TBC1D2B: variants seen among roughly 807,000 people sequenced by gnomAD.
The protein encoded by TBC1D2B is TBC1 domain family, member 2B.
TBC1D2B carries 64 observed loss-of-function variants against 100.8 expected under a neutral mutation model. That is an observed-to-expected ratio of 0.64 (90% confidence interval 0.52 to 0.78). The LOEUF (loss-of-function observed/expected upper bound fraction) is 0.78. Among genes scored for constraint, TBC1D2B ranks in the 30% least tolerant of loss-of-function variants. The pLI, the probability that TBC1D2B is intolerant of heterozygous loss-of-function variation, is 0.00. For synonymous variants in TBC1D2B, 480 were observed against 479.7 expected (o/e 1.00, Z -0.01); for missense variants, 1,052 against 1,218.4 (o/e 0.86, Z 2.03).
At chr15:78,046,142 G>A (rs894060725) in intron 2 of TBC1D2B, among the ~76,000 whole-genome samples, 4 of 152,140 alleles carry the variant, frequency 2.6e-5, no homozygotes, top group African/African-American at 9.7e-5. Context: ...ATGTTGGCCA[G>A]GCTGGTCGCG....
At chr15:78,026,440 A>G (rs1377688006) in intron 4 of TBC1D2B, among the ~76,000 whole-genome samples, 4 of 152,106 alleles carry the variant, frequency 2.6e-5, no homozygotes, top group African/African-American at 7.2e-5. Context: ...AAGGGACTAT[A>G]CAAAACAAAG....
In TBC1D2B at chr15:78,011,470, C is replaced by CTT. The variant is rs201268185; in HGVS notation, c.2270+1351_2270+1352dup. On this transcript the variant is annotated intron_variant, in intron 9 of 12. Coordinates refer to ENST00000300584, the MANE Select transcript of TBC1D2B (RefSeq NM_144572.2). Reference sequence around the variant, plus strand: ...TTTTTCATTCTTACTTTATCCATATCTTTTTTTTTTTTTTTTTTGAGACAG... The same window carrying CTT: ...TTTTTCATTCTTACTTTATCCATATCTTTTTTTTTTTTTTTTTTTTGAGACAG... Among the ~76,000 whole-genome samples the CTT allele has an allele frequency of 1.5e-3, 195 of 130,392 alleles. 2 individuals carry two copies. Among genetic ancestry groups the CTT allele is most frequent in the East Asian group, 4.0e-3 (18 of 4,452 alleles). The allele number at this position is 130,392 out of a possible 152,430, so 85.5% of individuals were successfully genotyped here. A position where few individuals can be genotyped will look rare whatever the true frequency, so the allele number is the denominator to read the frequency against.
intron 1 of TBC1D2B, among the ~76,000 whole-genome samples, chr15:78,060,714 C>T (rs549214277): frequency 2.0e-5 from 3 of 151,646 alleles, no homozygotes; most frequent in Non-Finnish European, 2.9e-5. Flanking sequence ...GTCAGAAGTT[C>T]GAGACCAGCC....
chr15:78,076,273 C>T (rs2073827655), intron 1 of TBC1D2B, among the ~76,000 whole-genome samples: 1 of 152,162 alleles, frequency 6.6e-6, no homozygotes, highest in Admixed American at 6.5e-5. Flanking sequence ...AAGGGAGCCT[C>T]AAAGGAGCAA....
At chr15:78,024,092 AG>A in intron 6 of TBC1D2B, 63 bp downstream of exon 6, 1 of 1,519,870 alleles carries the variant, frequency 6.6e-7, no homozygotes, top group Non-Finnish European at 8.8e-7. Flanking sequence ...CACGGAGGCC[AG>A]GCCTCTGGGG....
intron 6 of TBC1D2B, among the ~76,000 whole-genome samples, chr15:78,021,205 A>G (rs555172781): frequency 6.6e-6 from 1 of 152,364 alleles, no homozygotes; most frequent in South Asian, 2.1e-4. Flanking sequence ...AGAAATCTTT[A>G]CAGGCAGCAT....
At chr15:78,031,083 A>G (rs1474593352) in intron 3 of TBC1D2B, among the ~76,000 whole-genome samples, 1 of 152,276 alleles carries the variant, frequency 6.6e-6, no homozygotes, top group African/African-American at 2.4e-5. Flanking sequence ...AGAAAATGGA[A>G]GAATTATAGG....
chr15:78,012,833 C>G lies in TBC1D2B; in HGVS notation c.2260G>C (p.Gly754Arg), dbSNP rs2072265829. ...GTGCTGTGCACCCACCTGTTTAGGC[C>G]TTGACAGTAGCCGATATCTGGATTC... ...WRNPDIGYCQGLNRLVAVALL... is the reference protein window; with the variant it reads ...WRNPDIGYCQRLNRLVAVALL... The change falls in exon 9 of 13, where the codon GGC (glycine) becomes CGC (arginine). Residue 754 changes from glycine to arginine, a missense_variant. Physicochemically the swap from Gly to Arg is moderately radical, Grantham distance 125 (BLOSUM62 -2). Transcript: ENST00000300584. 6.6e-7 allele frequency: 1 copy of G among 1,512,290 alleles called. No individual in the cohort carries two copies. The highest frequency in any genetic ancestry group is 8.8e-7 in the Non-Finnish European group (1 of 1,131,336). 93.7% of individuals were successfully genotyped at this position (1,512,290 alleles called of 1,614,324 possible).
At chr15:78,027,279 G>A (rs1241722147) in intron 4 of TBC1D2B, among the ~76,000 whole-genome samples, 1 of 152,162 alleles carries the variant, frequency 6.6e-6, no homozygotes, top group Admixed American at 6.5e-5. Context: ...GGTTCCTAGG[G>A]TGCTGGCATC....
rs1286402415 is a variant in TBC1D2B, at chr15:77,997,185, G to A, written c.*975C>T. 6.6e-6 allele frequency: 1 copy of A among 152,318 alleles called. No individual in the cohort carries two copies. Among genetic ancestry groups the A allele is most frequent in the Non-Finnish European group, 1.5e-5 (1 of 68,092 alleles). The allele number at this position is 152,318 out of a possible 1,614,324, so 9.4% of individuals were successfully genotyped here. A position where few individuals can be genotyped will look rare whatever the true frequency, so the allele number is the denominator to read the frequency against. ...CACTGGCCATCCCCAAGGAGGCCAT[G>A]GTTTTCAGCTGTCCAAGAGCGTTCA... is the stretch of plus-strand genomic sequence containing the variant. On this transcript the variant is annotated 3_prime_UTR_variant, in exon 13 of 13. Transcript: ENST00000300584.
intron 1 of TBC1D2B, among the ~76,000 whole-genome samples, chr15:78,059,455 C>T (rs931991339): frequency 6.6e-6 from 1 of 152,202 alleles, no homozygotes; most frequent in Non-Finnish European, 1.5e-5. Flanking sequence ...TCCTACATGG[C>T]TGCATGAACG....
intron 2 of TBC1D2B, chr15:78,053,763 T>G: frequency 2.9e-6 from 1 of 349,518 alleles, no homozygotes; most frequent in Non-Finnish European, 5.2e-6. Flanking sequence ...CAGTCAGAAC[T>G]AGACTTACAG....
chr15:77,998,458 G>C (rs145628761), intron 12 of TBC1D2B, 103 bp from the exon 13 acceptor site: 13,613 of 1,132,208 alleles, frequency 0.012, 119 homozygotes, highest in Middle Eastern at 0.043. Flanking sequence ...AGGGTGGGAA[G>C]AGCGCTGGCC....
rs773764751 is a variant in TBC1D2B at position 78,017,948 on chromosome 15, G to A, written c.1480C>T (p.Gln494Ter). Residue 494 changes from glutamine to a stop codon, truncating the protein, a stop_gained, in exon 7 of 13, where the codon CAG becomes TAG. Coordinates refer to ENST00000300584, the MANE Select transcript of TBC1D2B (RefSeq NM_144572.2). LOFTEE classifies it high-confidence loss of function. ...AATTTGTTTTGGGTTTTGTACCCCT[G>A]TAGATTATCCTGTTAGAAAAAAAAA... ...LELDRLKDNL[Q>*]GYKTQNKFLN... 2 of 1,577,052 alleles carry A rather than the reference G, an allele frequency of 1.3e-6. No homozygotes were observed.
At chr15:78,036,946 G>C (rs1476260983) in intron 3 of TBC1D2B, among the ~76,000 whole-genome samples, 2 of 152,140 alleles carry the variant, frequency 1.3e-5, no homozygotes, top group Non-Finnish European at 2.9e-5. Flanking sequence ...TGAGGACCTG[G>C]AAAGGTGTCA....
In TBC1D2B at chr15:78,035,064, A is replaced by G. The variant is rs569891712; in HGVS notation, c.684-4894T>C. On this transcript the variant is annotated intron_variant, in intron 3 of 12. Coordinates refer to ENST00000300584, the MANE Select transcript of TBC1D2B (RefSeq NM_144572.2). Reference sequence around the variant, plus strand: ...TAAAGACCGCAGTCTCATTTGACAGATCTTTGAGAGGCCTACTGTGTTCTC... The same window carrying G: ...TAAAGACCGCAGTCTCATTTGACAGGTCTTTGAGAGGCCTACTGTGTTCTC... Among the ~76,000 whole-genome samples, 13 of 152,244 alleles carry G rather than the reference A, an allele frequency of 8.5e-5. No individual in the cohort carries two copies. In the East Asian group the frequency reaches 2.5e-3, roughly 29 times the overall value.
chr15:78,026,151 G>GTT (rs34676496), intron 4 of TBC1D2B, among the ~76,000 whole-genome samples: 34 of 145,598 alleles, frequency 2.3e-4, no homozygotes, highest in African/African-American at 7.2e-4. Context: ...GGTTTTTGTT[G>GTT]TTTTTTTTTT....
At chr15:78,069,493 T>A (rs904360932) in intron 1 of TBC1D2B, among the ~76,000 whole-genome samples, 1 of 152,202 alleles carries the variant, frequency 6.6e-6, no homozygotes, top group Non-Finnish European at 1.5e-5. Flanking sequence ...AACACGATAA[T>A]CCTCTAACTT....
chr15:78,064,038 CCAAGTGT>C, intron 1 of TBC1D2B, among the ~76,000 whole-genome samples: 1 of 152,294 alleles, frequency 6.6e-6, no homozygotes, highest in South Asian at 2.1e-4. Flanking sequence ...CTCATGGCTT[CCAAGTGT>C]CAAGAAATCT....
Sources: allele counts gnomAD v4.1 joint callset (sites outside exome capture counted in the v4.1 genomes callset), GRCh38; gene constraint gnomAD v4.1.1; transcripts MANE v1.5; gene names NCBI Gene and HGNC (gene_info 2026-07-23, HGNC 2026-07-21).